The following TMEM26 variants were observed in gnomAD, a reference collection of about 807,000 sequenced individuals.
TMEM26 encodes the protein transmembrane protein 26.
TMEM26 carries 38 observed loss-of-function variants against 28.8 expected under a neutral mutation model. The observed-to-expected ratio is 1.32, with a 90% CI of 1.02 to 1.73. TMEM26 has a LOEUF of 1.73. TMEM26 is among the 40% of genes most tolerant of loss of function. TMEM26 has a pLI of 0.00. For synonymous variants in TMEM26, 227 were observed against 182.9 expected (o/e 1.24, Z -1.95); for missense variants, 518 against 447.1 (o/e 1.16, Z -1.43).
intron 4 of TMEM26, chr10:61,415,132 A>G (rs1839630563): frequency 1.0e-6 from 1 of 985,190 alleles, no homozygotes; most frequent in Non-Finnish European, 1.2e-6. Flanking sequence ...CACAATCAGG[A>G]TTCCAAAAGA....
chr10:61,413,376 T>C, intron 5 of TMEM26, 83 bp downstream of exon 5: 4 of 1,550,120 alleles, frequency 2.6e-6, no homozygotes, highest in Non-Finnish European at 3.5e-6. Context: ...GATAATCCTT[T>C]CACTTGCCTT....
intron 1 of TMEM26, among the ~76,000 whole-genome samples, chr10:61,449,769 A>G (rs758617663): frequency 2.0e-5 from 3 of 151,974 alleles, no homozygotes; most frequent in Admixed American, 1.3e-4. Flanking sequence ...TTTATTTTCA[A>G]TATGGAAGGT....
chr10:61,431,736 C>G (rs1839926520), intron 2 of TMEM26, among the ~76,000 whole-genome samples: 1 of 149,922 alleles, frequency 6.7e-6, no homozygotes, highest in East Asian at 2.0e-4. Flanking sequence ...TCTTTTTATA[C>G]TTTCATTTTA....
chr10:61,435,446 C>T (rs1176076654), intron 2 of TMEM26, among the ~76,000 whole-genome samples: 2 of 152,170 alleles, frequency 1.3e-5, no homozygotes, highest in African/African-American at 4.8e-5. Context: ...CCCAAAGTGC[C>T]GTGATTATAG....
At chr10:61,415,217 G>A in intron 4 of TMEM26, 1 of 939,168 alleles carries the variant, frequency 1.1e-6, no homozygotes, top group Non-Finnish European at 1.3e-6. Context: ...CATAAAAAAG[G>A]GCTCAAAGAT....
intron 1 of TMEM26, among the ~76,000 whole-genome samples, chr10:61,448,311 G>T (rs1406835610): frequency 2.0e-5 from 3 of 152,208 alleles, no homozygotes; most frequent in African/African-American, 7.2e-5. Flanking sequence ...TGAACTGCTG[G>T]AGTGAGTAAG....
intron 4 of TMEM26, 152 bp from the exon 5 acceptor site, chr10:61,413,687 A>G: frequency 3.8e-6 from 5 of 1,327,116 alleles, no homozygotes; most frequent in Non-Finnish European, 4.8e-6. Context: ...AAATCCTTAC[A>G]TGATAATAAT....
intron 1 of TMEM26, among the ~76,000 whole-genome samples, chr10:61,437,071 GT>G (rs1564480882): frequency 6.6e-6 from 1 of 152,194 alleles, no homozygotes; most frequent in East Asian, 1.9e-4. Context: ...GAGGCTGGGG[GT>G]CTGAGATTAA....
Position 61,407,423 on chromosome 10 carries a change from T to C in TMEM26, c.*2899A>G, listed in dbSNP as rs1031829484. ...ACTGGAAGATTATAAAGCATGTTAT[T>C]GGCCAATTCAAAATTTTATTTCATT... On this transcript the variant is annotated 3_prime_UTR_variant, in exon 6 of 6. Transcript: ENST00000399298. The C allele has an allele frequency of 9.9e-5, 15 of 152,150 alleles. No individual in the cohort carries two copies. Among genetic ancestry groups the C allele is most frequent in the African/African-American group, 3.4e-4 (14 of 41,432 alleles). The allele number at this position is 152,150 out of a possible 1,614,324, so 9.4% of individuals were successfully genotyped here. A position where few individuals can be genotyped will look rare whatever the true frequency, so the allele number is the denominator to read the frequency against.
chr10:61,433,467 C>T (rs1839955065), intron 2 of TMEM26, among the ~76,000 whole-genome samples: 1 of 152,048 alleles, frequency 6.6e-6, no homozygotes, highest in African/African-American at 2.4e-5. Context: ...AAAAATATTC[C>T]TTTGGGTCCA....
chr10:61,438,377 G>A (rs942551319), intron 1 of TMEM26, among the ~76,000 whole-genome samples: 4 of 152,162 alleles, frequency 2.6e-5, no homozygotes, highest in Non-Finnish European at 5.9e-5. Flanking sequence ...AACTGGGAAA[G>A]AAAGTGAATT....
At chr10:61,415,209 T>TA (rs537354585) in intron 4 of TMEM26, 21 of 958,998 alleles carry the variant, frequency 2.2e-5, no homozygotes, top group Admixed American at 1.2e-4. Context: ...GCAGCAGCCA[T>TA]AAAAAAGGGC....
intron 4 of TMEM26, among the ~76,000 whole-genome samples, chr10:61,425,018 A>G (rs1216232508): frequency 1.3e-5 from 2 of 152,204 alleles, no homozygotes; most frequent in African/African-American, 4.8e-5. Flanking sequence ...ATAAAGACAT[A>G]CCCAACACTG....
chr10:61,442,575 C>G (rs1330428654), intron 1 of TMEM26, among the ~76,000 whole-genome samples: 1 of 152,110 alleles, frequency 6.6e-6, no homozygotes, highest in Non-Finnish European at 1.5e-5. Flanking sequence ...TTCTCCTCTA[C>G]AAAAACAGAG....
Position 61,411,921 on chromosome 10 carries a change from C to T in TMEM26, c.683-1175G>A, listed in dbSNP as rs920272682. Among the ~76,000 whole-genome samples, 12 of 152,268 alleles carry T rather than the reference C, an allele frequency of 7.9e-5. No homozygotes were observed. The South Asian group carries it at 2.1e-3, about 26-fold the overall frequency. On this transcript the variant is annotated intron_variant, in intron 5 of 5. Transcript: ENST00000399298. ...ACAATAATGATTTAGTCAGAAGTAA[C>T]ATTTGGTCTTTGTTTTTCAAACAGC...
intron 4 of TMEM26, 32 bp from the exon 5 acceptor site, chr10:61,413,567 T>A (rs1045807755): frequency 5.1e-6 from 8 of 1,576,900 alleles, no homozygotes; most frequent in Non-Finnish European, 6.9e-6. Context: ...AAATTTGTAA[T>A]AAAAAGTATG....
chr10:61,446,269 A>G (rs1173722680), intron 1 of TMEM26, among the ~76,000 whole-genome samples: 3 of 152,220 alleles, frequency 2.0e-5, no homozygotes, highest in Admixed American at 6.5e-5. Context: ...GAACAAAGTC[A>G]TTTGCTAATA....
rs1289246803 is a variant in TMEM26, at chr10:61,409,993, G to A, written c.*329C>T. 7 of 253,076 alleles carry A rather than the reference G, an allele frequency of 2.8e-5. No homozygotes were observed. Among genetic ancestry groups the A allele is most frequent in the Non-Finnish European group, 4.5e-5 (6 of 132,518 alleles). 15.7% of individuals were successfully genotyped at this position (253,076 alleles called of 1,614,324 possible). A position where few individuals can be genotyped will look rare whatever the true frequency, so the allele number is the denominator to read the frequency against. ...GCTTCTCTATTTCCAGGTAACAGCC[G>A]CGACAGTTGGTCTGCACCAAATCTT... is the stretch of plus-strand genomic sequence containing the variant. On this transcript the variant is annotated 3_prime_UTR_variant, in exon 6 of 6. Transcript: ENST00000399298.
At chr10:61,424,332 C>T (rs116996611) in intron 4 of TMEM26, among the ~76,000 whole-genome samples, 5 of 151,752 alleles carry the variant, frequency 3.3e-5, no homozygotes, top group African/African-American at 9.7e-5. Flanking sequence ...GAATAAAATA[C>T]GTAGGAAATA....
Sources: allele counts gnomAD v4.1 joint callset (sites outside exome capture counted in the v4.1 genomes callset), GRCh38; gene constraint gnomAD v4.1.1; transcripts MANE v1.5; gene names NCBI Gene and HGNC (gene_info 2026-07-23, HGNC 2026-07-21).